ZDHHC3: variants seen among roughly 807,000 people sequenced by gnomAD.
ZDHHC3 encodes the protein palmitoyltransferase ZDHHC3.
ZDHHC3 carries 9 observed loss-of-function variants against 30.6 expected under a neutral mutation model. The ratio of observed to expected loss-of-function variants is 0.29; its 90% confidence interval spans 0.18 to 0.51. ZDHHC3 has a LOEUF of 0.51. ZDHHC3 is among the 20% of genes least tolerant of loss of function. ZDHHC3 has a pLI of 0.97. For missense variants in ZDHHC3, 246 were observed against 384.2 expected (o/e 0.64, Z 3.01); for synonymous variants, 136 against 140.2 (o/e 0.97, Z 0.21).
At position 44,918,437 on chromosome 3, in the gene ZDHHC3, C is replaced by G. The variant is rs1324838600; in HGVS notation, c.*8252G>C. On this transcript the variant is annotated 3_prime_UTR_variant, in exon 7 of 7. Transcript: ENST00000424952. ...CACCCAGCCCTCCCCTTCTTTCCTT[C>G]CACAAGTGCAATGCCAGATGATGGG... 1.0e-6 allele frequency: 1 copy of G among 985,282 alleles called. No homozygotes were observed. Among genetic ancestry groups the G allele is most frequent in the African/African-American group, 1.7e-5 (1 of 57,228 alleles). 61.0% of individuals were successfully genotyped at this position (985,282 alleles called of 1,614,324 possible).
intron 2 of ZDHHC3, among the ~76,000 whole-genome samples, chr3:44,953,369 C>T (rs1264342674): frequency 2.0e-5 from 3 of 152,156 alleles, no homozygotes; most frequent in Non-Finnish European, 2.9e-5. Flanking sequence ...CCTCAGCACA[C>T]TAGTATTAAG....
chr3:44,973,719 A>G (rs1044973561), intron 1 of ZDHHC3, among the ~76,000 whole-genome samples: 1 of 152,164 alleles, frequency 6.6e-6, no homozygotes, highest in African/African-American at 2.4e-5. Context: ...CGGCCTCCCA[A>G]AGTGCTGGGA....
In ZDHHC3 at chr3:44,924,177, T is replaced by C. The variant is rs1700810537; in HGVS notation, c.*2512A>G. The C allele has an allele frequency of 3.0e-6, 3 of 985,456 alleles. No individual in the cohort carries two copies. Among genetic ancestry groups the C allele is most frequent in the African/African-American group, 3.5e-5 (2 of 57,358 alleles). 61.0% of individuals were successfully genotyped at this position (985,456 alleles called of 1,614,324 possible). On this transcript the variant is annotated 3_prime_UTR_variant, in exon 7 of 7. Transcript: ENST00000424952. Reference sequence around the variant, plus strand: ...CTGTGACCAAGCCAAAAGTTGGGGCTGACTTTGTGTAGAAAGATGTCCTCT... The same window carrying C: ...CTGTGACCAAGCCAAAAGTTGGGGCCGACTTTGTGTAGAAAGATGTCCTCT...
At chr3:44,937,863 A>G in intron 3 of ZDHHC3, 1 of 469,736 alleles carries the variant, frequency 2.1e-6, no homozygotes, top group Admixed American at 2.3e-5. Context: ...AGTGAAAGTG[A>G]CTATTCAGAA....
chr3:44,929,163 C>T, intron 6 of ZDHHC3, 143 bp downstream of exon 6: 2 of 1,131,490 alleles, frequency 1.8e-6, no homozygotes, highest in Non-Finnish European at 2.5e-6. Flanking sequence ...CCAAGTGTAA[C>T]TGCAAACAAA....
intron 2 of ZDHHC3, among the ~76,000 whole-genome samples, chr3:44,955,224 T>G (rs1703826345): frequency 6.6e-6 from 1 of 152,122 alleles, no homozygotes; most frequent in Admixed American, 6.5e-5. Flanking sequence ...TTGCCCTATT[T>G]CTCAAACGGC....
At chr3:44,935,433 C>A (rs1344521304) in intron 3 of ZDHHC3, among the ~76,000 whole-genome samples, 3 of 152,198 alleles carry the variant, frequency 2.0e-5, no homozygotes, top group Non-Finnish European at 4.4e-5. Context: ...CCACACCCAG[C>A]TAATTTTTTT....
intron 1 of ZDHHC3, among the ~76,000 whole-genome samples, chr3:44,973,816 A>G (rs1253597291): frequency 1.3e-5 from 2 of 152,248 alleles, no homozygotes; most frequent in Non-Finnish European, 2.9e-5. Flanking sequence ...CACTATGTAA[A>G]TTAGTGTTGA....
chr3:44,958,363 T>C (rs1362581344), intron 2 of ZDHHC3, among the ~76,000 whole-genome samples: 13 of 152,180 alleles, frequency 8.5e-5, no homozygotes. Context: ...TCACTGCTAG[T>C]AGCAGTGCTT....
Position 44,922,320 on chromosome 3 carries a change from G to A in ZDHHC3, c.*4369C>T, listed in dbSNP as rs1031860989. On this transcript the variant is annotated 3_prime_UTR_variant, in exon 7 of 7. Transcript: ENST00000424952. Reference sequence around the variant, plus strand: ...CACCGGCCGCCGCTCCCATCTGGAGGTCCCTTGGTTCTACTCTTTTCTCTT... The same window carrying A: ...CACCGGCCGCCGCTCCCATCTGGAGATCCCTTGGTTCTACTCTTTTCTCTT... 1.0e-6 allele frequency: 1 copy of A among 985,290 alleles called. No individual in the cohort carries two copies. Among genetic ancestry groups the A allele is most frequent in the African/African-American group, 1.7e-5 (1 of 57,226 alleles). 61.0% of individuals were successfully genotyped at this position (985,290 alleles called of 1,614,324 possible).
Position 44,918,505 on chromosome 3 carries a change from C to T in ZDHHC3, c.*8184G>A. 3.0e-6 allele frequency: 3 copies of T among 985,422 alleles called. No homozygotes were observed. Among genetic ancestry groups the T allele is most frequent in the Non-Finnish European group, 3.6e-6 (3 of 829,932 alleles). The allele number at this position is 985,422 out of a possible 1,614,324, so 61.0% of individuals were successfully genotyped here. On this transcript the variant is annotated 3_prime_UTR_variant, in exon 7 of 7. Transcript: ENST00000424952. Reference sequence around the variant, plus strand: ...AGTGGCTGAGGCATAAGGGGGACCACACATCCTCTGAGGCCACTACAAACT... The same window carrying T: ...AGTGGCTGAGGCATAAGGGGGACCATACATCCTCTGAGGCCACTACAAACT...
chr3:44,926,323 G>A lies in ZDHHC3; in HGVS notation c.*366C>T, dbSNP rs1169572220. The A allele has an allele frequency of 1.0e-6, 1 of 997,458 alleles. No homozygotes were observed. The highest frequency in any genetic ancestry group is 1.2e-6 in the Non-Finnish European group (1 of 838,216). The allele number at this position is 997,458 out of a possible 1,614,324, so 61.8% of individuals were successfully genotyped here. A position where few individuals can be genotyped will look rare whatever the true frequency, so the allele number is the denominator to read the frequency against. On this transcript the variant is annotated 3_prime_UTR_variant, in exon 7 of 7. Coordinates refer to ENST00000424952, the MANE Select transcript of ZDHHC3 (RefSeq NM_001135179.2). ...CCATGCATCCCCCACCAGGTGTCCA[G>A]ACTATTCCATCCACGCACAGCGTCA...
intron 2 of ZDHHC3, among the ~76,000 whole-genome samples, chr3:44,955,175 C>G (rs188932525): frequency 2.0e-5 from 3 of 152,330 alleles, no homozygotes; most frequent in Middle Eastern, 3.4e-3. Context: ...GCTCCTCTGT[C>G]CATTTGTCCT....
At chr3:44,971,159 A>G (rs1705370431) in intron 1 of ZDHHC3, among the ~76,000 whole-genome samples, 1 of 152,232 alleles carries the variant, frequency 6.6e-6, no homozygotes, top group East Asian at 1.9e-4. Context: ...TACTTGTCTC[A>G]TTAGGCTTAC....
chr3:44,946,287 C>T (rs1702925170), intron 2 of ZDHHC3, among the ~76,000 whole-genome samples: 1 of 152,246 alleles, frequency 6.6e-6, no homozygotes, highest in Admixed American at 6.5e-5. Context: ...CTTGTGAATA[C>T]TTAGCGTTCT....
At chr3:44,949,049 C>T (rs9810708) in intron 2 of ZDHHC3, among the ~76,000 whole-genome samples, 80,821 of 151,968 alleles carry the variant, frequency 0.53, 22,107 homozygotes, top group East Asian at 0.89. Context: ...GAAATGAGGT[C>T]CTTTATACTC....
Position 44,976,138 on chromosome 3 carries a change from GGCGGCCGCGGCTGCAGGA to G in ZDHHC3, c.-248_-231del, listed in dbSNP as rs1224694061. On this transcript the variant is annotated 5_prime_UTR_variant, in exon 1 of 7. Transcript: ENST00000424952. Reference sequence around the variant, plus strand: ...CCCATCGAGCTCTCCCGGCAGTGGCGGCGGCCGCGGCTGCAGGAGCGGCCGCCGCGCAGGTTGATGACG... The same window carrying G: ...CCCATCGAGCTCTCCCGGCAGTGGCGGCGGCCGCCGCGCAGGTTGATGACG... The G allele has an allele frequency of 6.8e-5, 42 of 619,442 alleles. No individual in the cohort carries two copies. Among genetic ancestry groups the G allele is most frequent in the East Asian group, 1.8e-4 (5 of 28,526 alleles). The allele number at this position is 619,442 out of a possible 1,614,324, so 38.4% of individuals were successfully genotyped here. A position where few individuals can be genotyped will look rare whatever the true frequency, so the allele number is the denominator to read the frequency against.
At position 44,924,599 on chromosome 3, in the gene ZDHHC3, G is replaced by T; in HGVS notation, c.*2090C>A. ...CAGTGCATCTTCAGCACTATCTACT[G>T]CATTCCTGAGAAATGCCAGGGGAAA... On this transcript the variant is annotated 3_prime_UTR_variant, in exon 7 of 7. Transcript: ENST00000424952. 1 of 985,422 alleles carries T rather than the reference G, an allele frequency of 1.0e-6. No homozygotes were observed. Among genetic ancestry groups the T allele is most frequent in the Non-Finnish European group, 1.2e-6 (1 of 829,934 alleles). 61.0% of individuals were successfully genotyped at this position (985,422 alleles called of 1,614,324 possible).
intron 2 of ZDHHC3, among the ~76,000 whole-genome samples, chr3:44,956,031 G>A (rs1703923938): frequency 6.6e-6 from 1 of 152,222 alleles, no homozygotes; most frequent in Non-Finnish European, 1.5e-5. Context: ...GCCTCTCACT[G>A]CTTTGGGATT....
Sources: gnomAD v4.1 joint callset for allele counts (sites outside exome capture counted in the v4.1 genomes callset) on GRCh38, gnomAD v4.1.1 for gene constraint, MANE v1.5 for transcripts, NCBI Gene and HGNC (gene_info 2026-07-23, HGNC 2026-07-21) for gene names.